RBMS3: variants seen among roughly 807,000 people sequenced by gnomAD.
RBMS3 encodes RNA-binding motif, single-stranded-interacting protein 3.
In RBMS3, 27 loss-of-function variants were observed where a neutral mutation model predicts 66.8. The observed-to-expected ratio is 0.40, with a 90% CI of 0.30 to 0.56. RBMS3 has a LOEUF of 0.56. RBMS3 is among the 20% of genes least tolerant of loss of function. The pLI is 0.40. For synonymous variants in RBMS3, 188 were observed against 183.0 expected, an observed-to-expected ratio of 1.03 and a Z score of -0.22; for missense variants, 513 against 549.5, an observed-to-expected ratio of 0.93 and a Z score of 0.66.
At chr3:29,631,171 A>T (rs1576399763) in intron 4 of RBMS3, among the ~76,000 whole-genome samples, 1 of 152,046 alleles carries the variant, frequency 6.6e-6, no homozygotes, top group African/African-American at 2.4e-5. Flanking sequence ...AAAGACAATA[A>T]ATAATACAAA....
chr3:29,877,392 A>C (rs2149566963), intron 7 of RBMS3, among the ~76,000 whole-genome samples: 1 of 152,298 alleles, frequency 6.6e-6, no homozygotes, highest in South Asian at 2.1e-4. Flanking sequence ...AGAAAAATAC[A>C]CTGGTCAAAT....
chr3:29,849,340 C>T (rs1351656033), intron 6 of RBMS3, among the ~76,000 whole-genome samples: 1 of 151,832 alleles, frequency 6.6e-6, no homozygotes, highest in South Asian at 2.1e-4. Context: ...ATGGTGAAAC[C>T]CCATCTCTAC....
chr3:29,883,803 C>T (rs777796992), intron 7 of RBMS3, among the ~76,000 whole-genome samples: 2 of 151,846 alleles, frequency 1.3e-5, no homozygotes, highest in South Asian at 2.1e-4. Flanking sequence ...CTGCAGGATT[C>T]GTTCTTACTT....
Position 29,888,305 on chromosome 3 carries a change from A to G in RBMS3, c.791+4097A>G, listed in dbSNP as rs114867561. 4.5e-4 allele frequency among the ~76,000 whole-genome samples: 68 copies of G among 151,798 alleles called. 1 individual carries two copies. The highest frequency in any genetic ancestry group is 1.2e-3 in the African/African-American group (51 of 41,490). On this transcript the variant is annotated intron_variant, in intron 8 of 14. Transcript: ENST00000383767. ...AAGAGATTTTATATACTATTATATT[A>G]TCTCATATTATATTATCTAATCTCA...
chr3:29,361,239 C>T (rs1256171671), intron 1 of RBMS3, among the ~76,000 whole-genome samples: 1 of 151,978 alleles, frequency 6.6e-6, no homozygotes, highest in African/African-American at 2.4e-5. Flanking sequence ...GTAGGGCAGG[C>T]CTGGTGGTGA....
At chr3:29,992,650 G>A (rs1698963253) in intron 14 of RBMS3, among the ~76,000 whole-genome samples, 1 of 152,080 alleles carries the variant, frequency 6.6e-6, no homozygotes, top group Non-Finnish European at 1.5e-5. Flanking sequence ...GGGGAAGAGA[G>A]AGCATGCTCA....
At chr3:29,998,864 G>A (rs1699427288) in intron 14 of RBMS3, among the ~76,000 whole-genome samples, 1 of 152,082 alleles carries the variant, frequency 6.6e-6, no homozygotes, top group Non-Finnish European at 1.5e-5. Flanking sequence ...GCATGGGCAA[G>A]GACTTCATGT....
At chr3:29,947,905 T>A (rs1406034804) in intron 12 of RBMS3, among the ~76,000 whole-genome samples, 1 of 151,044 alleles carries the variant, frequency 6.6e-6, no homozygotes, top group Non-Finnish European at 1.5e-5. Flanking sequence ...TAAAGTAGAA[T>A]CAAAATCTGT....
intron 14 of RBMS3, among the ~76,000 whole-genome samples, chr3:30,000,538 G>A (rs112837738): frequency 2.8e-3 from 431 of 152,098 alleles, no homozygotes; most frequent in Admixed American, 4.9e-3. Context: ...CCCATTACTG[G>A]GTATATACCC....
intron 1 of RBMS3, among the ~76,000 whole-genome samples, chr3:29,363,298 C>T (rs1292113736): frequency 2.6e-5 from 4 of 152,104 alleles, no homozygotes; most frequent in Non-Finnish European, 5.9e-5. Flanking sequence ...TTTTGTTTGT[C>T]TACTTTGTGA....
chr3:29,619,644 T>C (rs2048799842), intron 4 of RBMS3, among the ~76,000 whole-genome samples: 1 of 152,234 alleles, frequency 6.6e-6, no homozygotes, highest in Admixed American at 6.5e-5. Flanking sequence ...TACAATGCTC[T>C]GATTAACCTC....
chr3:30,003,045 G>C (rs1699680210), intron 14 of RBMS3, among the ~76,000 whole-genome samples: 1 of 151,968 alleles, frequency 6.6e-6, no homozygotes, highest in African/African-American at 2.4e-5. Flanking sequence ...CCTGAGCAAA[G>C]AGGCCTTCAG....
intron 6 of RBMS3, among the ~76,000 whole-genome samples, chr3:29,848,927 A>G (rs2058857608): frequency 6.6e-6 from 1 of 152,212 alleles, no homozygotes; most frequent in Non-Finnish European, 1.5e-5. Context: ...TCACATTGTG[A>G]ATGCTAGAAT....
At chr3:29,614,335 G>A (rs2048586678) in intron 4 of RBMS3, 1 of 152,084 alleles carries the variant, frequency 6.6e-6, no homozygotes, top group African/African-American at 2.4e-5. Context: ...AATTAGAAAG[G>A]CGGTGGTCAA....
chr3:29,743,251 T>G (rs2054721018), intron 5 of RBMS3, among the ~76,000 whole-genome samples: 1 of 152,230 alleles, frequency 6.6e-6, no homozygotes, highest in African/African-American at 2.4e-5. Flanking sequence ...GCACAAATGT[T>G]TCTCCTTTTA....
intron 4 of RBMS3, among the ~76,000 whole-genome samples, chr3:29,675,566 TA>T (rs1334430094): frequency 6.6e-6 from 1 of 151,974 alleles, no homozygotes; most frequent in African/African-American, 2.4e-5. Flanking sequence ...ACAAAGCACT[TA>T]AAGAAATTTA....
intron 1 of RBMS3, among the ~76,000 whole-genome samples, chr3:29,333,295 GAACTAGTCAGTGATC>G (rs1397602810): frequency 6.6e-6 from 1 of 152,066 alleles, no homozygotes; most frequent in African/African-American, 2.4e-5. Context: ...TCCCAGAGGT[GAACTAGTCAGTGATC>G]ATTTGCATCC....
intron 12 of RBMS3, among the ~76,000 whole-genome samples, chr3:29,961,191 CG>C (rs1696415209): frequency 6.6e-6 from 1 of 152,098 alleles, no homozygotes; most frequent in South Asian, 2.1e-4. Flanking sequence ...ATCTCTAGGG[CG>C]GGGGCAAAAT....
intron 4 of RBMS3, among the ~76,000 whole-genome samples, chr3:29,638,991 TTTAAGAG>T (rs1392821248): frequency 6.6e-6 from 1 of 151,846 alleles, no homozygotes. Flanking sequence ...TAATCCTTTC[TTTAAGAG>T]TTAAAAGTTT....
Sources: allele counts gnomAD v4.1 joint callset (sites outside exome capture counted in the v4.1 genomes callset), GRCh38; gene constraint gnomAD v4.1.1; transcripts MANE v1.5; gene names NCBI Gene and HGNC (gene_info 2026-07-23, HGNC 2026-07-21).